The following HPSE2 variants were observed in gnomAD, a reference collection of about 807,000 sequenced individuals.
HPSE2 encodes the protein heparanase 2 (inactive).
In HPSE2, 38 loss-of-function variants were observed where a neutral mutation model predicts 60.5. The ratio of observed to expected loss-of-function variants is 0.63; its 90% confidence interval spans 0.48 to 0.82. HPSE2 has a LOEUF of 0.82. HPSE2 is among the 40% of genes least tolerant of loss of function. The probability of loss-of-function intolerance (pLI) is 0.00; values close to 1 mark genes in which losing one functional copy is unlikely to be tolerated. For missense variants in HPSE2, 713 were observed against 740.4 expected, an observed-to-expected ratio of 0.96 and a Z score of 0.43; for synonymous variants, 295 against 293.2, an observed-to-expected ratio of 1.01 and a Z score of -0.06.
intron 9 of HPSE2, among the ~76,000 whole-genome samples, chr10:98,543,095 T>A (rs369393803): frequency 0.046 from 6,932 of 152,036 alleles, 161 homozygotes; most frequent in South Asian, 0.082. Context: ...CGGGTTACCC[T>A]CAAAGGGAAG....
At chr10:98,946,109 T>C (rs916827950) in intron 3 of HPSE2, among the ~76,000 whole-genome samples, 8 of 152,202 alleles carry the variant, frequency 5.3e-5, no homozygotes, top group Middle Eastern at 3.4e-3. Flanking sequence ...ATAACTATAG[T>C]CTACTTTATC....
At chr10:98,528,199 A>T (rs913627084) in intron 9 of HPSE2, among the ~76,000 whole-genome samples, 9 of 152,122 alleles carry the variant, frequency 5.9e-5, no homozygotes, top group African/African-American at 9.7e-5. Flanking sequence ...TGAGAGAGAC[A>T]ACAATTAAAG....
At position 98,852,986 on chromosome 10, in the gene HPSE2, C is replaced by T. The variant is rs547564189; in HGVS notation, c.611-108930G>A. ...TTATTTGTTTACACAGCTTTAAGGC[C>T]CTCTTTGGGGCCTTATGTTGTCTGA... On this transcript the variant is annotated intron_variant, in intron 3 of 11. Coordinates refer to ENST00000370552, the MANE Select transcript of HPSE2 (RefSeq NM_021828.5). 6.6e-5 allele frequency among the ~76,000 whole-genome samples: 10 copies of T among 152,200 alleles called. No individual in the cohort carries two copies. The South Asian group carries it at 2.1e-3, about 32-fold the overall frequency.
chr10:98,622,663 C>T lies in HPSE2; in HGVS notation c.1099-1955G>A, dbSNP rs79535973. Among the ~76,000 whole-genome samples the T allele has an allele frequency of 7.8e-3, 1,187 of 152,188 alleles. 16 individuals carry two copies. The highest frequency in any genetic ancestry group is 0.027 in the African/African-American group (1,102 of 41,510). On this transcript the variant is annotated intron_variant, in intron 7 of 11. Transcript: ENST00000370552. Reference sequence around the variant, plus strand: ...CAGAAACAAAGTTGTAAGAAAATTACACAAATTTGAGATTAAAGTGAGTAT... The same window carrying T: ...CAGAAACAAAGTTGTAAGAAAATTATACAAATTTGAGATTAAAGTGAGTAT...
intron 6 of HPSE2, among the ~76,000 whole-genome samples, chr10:98,651,858 C>T (rs1946925940): frequency 6.6e-6 from 1 of 151,772 alleles, no homozygotes; most frequent in Admixed American, 6.6e-5. Context: ...CTGCAACCTC[C>T]GCCTACTGGG....
chr10:98,490,276 CACACACA>C, intron 9 of HPSE2, 80 bp from the exon 10 acceptor site: 2 of 1,249,044 alleles, frequency 1.6e-6, no homozygotes, highest in Non-Finnish European at 2.2e-6. Flanking sequence ...CACACACACA[CACACACA>C]CACACACACG....
At position 98,881,024 on chromosome 10, in the gene HPSE2, G is replaced by A. The variant is rs192562843; in HGVS notation, c.611-136968C>T. 7.9e-5 allele frequency among the ~76,000 whole-genome samples: 12 copies of A among 152,078 alleles called. No homozygotes were observed. The South Asian group carries it at 1.2e-3, about 16-fold the overall frequency. On this transcript the variant is annotated intron_variant, in intron 3 of 11. Transcript: ENST00000370552. ...GTTGCTGCTCTCTCTATCCCATAGC[G>A]TTGTTCCTCTATTTGAGGACAGCTC... is the stretch of plus-strand genomic sequence containing the variant.
chr10:98,644,195 C>A (rs1176191918), intron 6 of HPSE2, among the ~76,000 whole-genome samples: 1 of 152,154 alleles, frequency 6.6e-6, no homozygotes, highest in Non-Finnish European at 1.5e-5. Flanking sequence ...TTTTAAAAAA[C>A]CCAAATCTAC....
intron 3 of HPSE2, among the ~76,000 whole-genome samples, chr10:99,007,073 G>A (rs1956911473): frequency 1.3e-5 from 2 of 152,128 alleles, no homozygotes; most frequent in Non-Finnish European, 2.9e-5. Flanking sequence ...CCTGAAGCCT[G>A]GGATTATTGA....
intron 3 of HPSE2, among the ~76,000 whole-genome samples, chr10:98,797,661 G>A (rs1172401319): frequency 1.3e-5 from 2 of 151,900 alleles, no homozygotes; most frequent in Non-Finnish European, 2.9e-5. Flanking sequence ...GGCTAACACG[G>A]TGAAACCCCG....
intron 9 of HPSE2, among the ~76,000 whole-genome samples, chr10:98,501,398 T>C (rs1318871307): frequency 6.6e-6 from 1 of 152,184 alleles, no homozygotes; most frequent in Admixed American, 6.6e-5. Flanking sequence ...GTTTATCATA[T>C]GCAAGTCAAT....
intron 6 of HPSE2, among the ~76,000 whole-genome samples, chr10:98,670,566 C>T (rs1350248317): frequency 6.6e-6 from 1 of 152,128 alleles, no homozygotes; most frequent in Non-Finnish European, 1.5e-5. Flanking sequence ...TTGTTTTATA[C>T]TCAGTACCTG....
At chr10:99,305,967 G>GCACACACACACACACACACA in the HPSE2 span, among the ~76,000 whole-genome samples, 1 of 54,550 alleles carries the variant, frequency 1.8e-5, no homozygotes, top group Non-Finnish European at 3.7e-5. Flanking sequence ...ACACACGCGC[G>GCACACACACACACACACACA]CGCGCGCGCG....
chr10:98,849,577 G>A (rs1302977313), intron 3 of HPSE2, among the ~76,000 whole-genome samples: 1 of 152,228 alleles, frequency 6.6e-6, no homozygotes, highest in East Asian at 1.9e-4. Context: ...AAAGGCTTTG[G>A]AAGTAAAAGT....
intron 4 of HPSE2, among the ~76,000 whole-genome samples, chr10:98,737,864 T>A (rs1032542456): frequency 6.6e-6 from 1 of 152,160 alleles, no homozygotes; most frequent in African/African-American, 2.4e-5. Context: ...TACTCATGAA[T>A]AGGAAGAATC....
At chr10:99,027,660 ACACCACCACCACCACTAC>A (rs1957407908) in intron 3 of HPSE2, among the ~76,000 whole-genome samples, 1 of 138,994 alleles carries the variant, frequency 7.2e-6, no homozygotes, top group Non-Finnish European at 1.5e-5. Context: ...CACATGACAA[ACACCACCACCACCACTAC>A]CACCACCACC....
chr10:99,179,490 ATG>A (rs1171401100), intron 2 of HPSE2, among the ~76,000 whole-genome samples: 1 of 152,222 alleles, frequency 6.6e-6, no homozygotes, highest in Non-Finnish European at 1.5e-5. Flanking sequence ...GAGCCAAATC[ATG>A]AGTGAACTTC....
intron 2 of HPSE2, among the ~76,000 whole-genome samples, chr10:99,152,510 T>C (rs1846312282): frequency 6.6e-6 from 1 of 152,022 alleles, no homozygotes. Context: ...TTTTAAAAAC[T>C]CGTAAGATTA....
At chr10:98,773,695 CAGAG>C (rs1418955645) in intron 3 of HPSE2, among the ~76,000 whole-genome samples, 1 of 152,072 alleles carries the variant, frequency 6.6e-6, no homozygotes, top group Non-Finnish European at 1.5e-5. Context: ...TCACGGCAAA[CAGAG>C]AGGATGACTA....
Sources: allele counts gnomAD v4.1 joint callset (sites outside exome capture counted in the v4.1 genomes callset), GRCh38; gene constraint gnomAD v4.1.1; transcripts MANE v1.5; gene names NCBI Gene and HGNC (gene_info 2026-07-23, HGNC 2026-07-21).